PPP2R2B: variants seen among roughly 807,000 people sequenced by gnomAD.
The protein encoded by PPP2R2B is protein phosphatase 2 regulatory subunit Bbeta, also known as serine/threonine-protein phosphatase 2A 55 kDa regulatory subunit B beta isoform.
In PPP2R2B, 5 loss-of-function variants were observed where a neutral mutation model predicts 46.0. The observed-to-expected ratio is 0.11, with a 90% CI of 0.06 to 0.23. The LOEUF (loss-of-function observed/expected upper bound fraction) is 0.23, where lower values mean the gene tolerates loss of function less well. PPP2R2B is among the 10% of genes least tolerant of loss of function. PPP2R2B has a pLI of 1.00. For synonymous variants in PPP2R2B, 215 were observed against 206.7 expected, an observed-to-expected ratio of 1.04 and a Z score of -0.34; for missense variants, 367 against 575.0, an observed-to-expected ratio of 0.64 and a Z score of 3.70.
In PPP2R2B at chr5:146,720,410, T is replaced by C. The variant is rs3844190; in HGVS notation, c.71-19268A>G. 8.9e-3 allele frequency among the ~76,000 whole-genome samples: 1,360 copies of C among 152,194 alleles called. 23 individuals carry two copies. The highest frequency in any genetic ancestry group is 0.031 in the African/African-American group (1,301 of 41,518). On this transcript the variant is annotated intron_variant, in intron 2 of 9. Transcript: ENST00000394411. ...ACCCTGAATCTTCTCCAGTTTCATTTAGACTGAGGGTAGAGGATATGGGAC... is the reference window on the plus strand; with the variant it reads ...ACCCTGAATCTTCTCCAGTTTCATTCAGACTGAGGGTAGAGGATATGGGAC...
In PPP2R2B at chr5:147,014,563, A is replaced by G. The variant is rs1041995791; in HGVS notation, c.79+41102T>C. ...ATGGAATACTATGCAGCCATAAAAAATGATGAGTTCATGTCCTTTGCAGGG... is the reference window on the plus strand; with the variant it reads ...ATGGAATACTATGCAGCCATAAAAAGTGATGAGTTCATGTCCTTTGCAGGG... On this transcript the variant is annotated intron_variant, in intron 1 of 8. Transcript: ENST00000336640. Among the ~76,000 whole-genome samples the G allele has an allele frequency of 2.6e-5, 4 of 152,314 alleles. No homozygotes were observed. In the South Asian group the frequency reaches 8.3e-4, roughly 32 times the overall value.
intron 7 of PPP2R2B, among the ~76,000 whole-genome samples, chr5:146,628,043 C>G (rs905441653): frequency 3.9e-5 from 6 of 151,990 alleles, no homozygotes; most frequent in Non-Finnish European, 8.8e-5. Flanking sequence ...CTCCTGGGCT[C>G]AAGTGATTCT....
intron 1 of PPP2R2B, among the ~76,000 whole-genome samples, chr5:146,979,638 C>A (rs369900869): frequency 4.8e-4 from 73 of 151,700 alleles, no homozygotes; most frequent in African/African-American, 1.6e-3. Flanking sequence ...GTTCCAAGAC[C>A]CCCAGTAAAT....
chr5:146,705,318 A>G (rs956261261), intron 2 of PPP2R2B, among the ~76,000 whole-genome samples: 1 of 152,206 alleles, frequency 6.6e-6, no homozygotes, highest in Non-Finnish European at 1.5e-5. Flanking sequence ...CAGCTAAGAT[A>G]AGAACAGAAA....
At chr5:146,861,711 CTGAGT>C in intron 2 of PPP2R2B, among the ~76,000 whole-genome samples, 1 of 152,184 alleles carries the variant, frequency 6.6e-6, no homozygotes, top group Non-Finnish European at 1.5e-5. Flanking sequence ...TTTCATCAGC[CTGAGT>C]TATCAATATA....
chr5:147,068,184 G>A (rs1331946519), intron 2 of PPP2R2B, among the ~76,000 whole-genome samples: 3 of 151,914 alleles, frequency 2.0e-5, no homozygotes, highest in African/African-American at 7.3e-5. Context: ...CATTTACTTA[G>A]CATTCACTCT....
At chr5:146,628,003 G>A (rs1774175450) in intron 7 of PPP2R2B, among the ~76,000 whole-genome samples, 1 of 151,586 alleles carries the variant, frequency 6.6e-6, no homozygotes, top group Non-Finnish European at 1.5e-5. Flanking sequence ...GGAGTGCAGT[G>A]GCACAATCTC....
chr5:146,659,487 A>G (rs466409), intron 5 of PPP2R2B, among the ~76,000 whole-genome samples: 115,297 of 152,070 alleles, frequency 0.76, 45,111 homozygotes, highest in Non-Finnish European at 0.86. Flanking sequence ...GTCTTTCTTG[A>G]TATCAGTATT....
intron 2 of PPP2R2B, among the ~76,000 whole-genome samples, chr5:146,820,232 G>T (rs1487320598): frequency 6.6e-6 from 1 of 152,272 alleles, no homozygotes; most frequent in East Asian, 1.9e-4. Context: ...AATGATACAT[G>T]TCTGAGGTGA....
chr5:146,759,308 A>G (rs1561884296), intron 2 of PPP2R2B, among the ~76,000 whole-genome samples: 1 of 152,242 alleles, frequency 6.6e-6, no homozygotes, highest in Non-Finnish European at 1.5e-5. Flanking sequence ...AAGCTATGAT[A>G]ATAAGTAATA....
chr5:146,733,735 G>A (rs1581978845), intron 2 of PPP2R2B, among the ~76,000 whole-genome samples: 2 of 141,202 alleles, frequency 1.4e-5, no homozygotes, highest in East Asian at 2.3e-4. Flanking sequence ...ACACACACAC[G>A]TCATTTATAT....
At chr5:146,985,378 C>T (rs1343331114) in intron 1 of PPP2R2B, among the ~76,000 whole-genome samples, 1 of 152,150 alleles carries the variant, frequency 6.6e-6, no homozygotes, top group Non-Finnish European at 1.5e-5. Flanking sequence ...TTAGTTGTTT[C>T]CTTTACTGTG....
intron 2 of PPP2R2B, among the ~76,000 whole-genome samples, chr5:146,848,309 T>A (rs1295579172): frequency 6.6e-6 from 1 of 152,204 alleles, no homozygotes; most frequent in Non-Finnish European, 1.5e-5. Context: ...AATATTGGTA[T>A]GTAATCATTA....
At chr5:146,695,272 T>C (rs1433498526) in intron 4 of PPP2R2B, among the ~76,000 whole-genome samples, 1 of 152,204 alleles carries the variant, frequency 6.6e-6, no homozygotes, top group Non-Finnish European at 1.5e-5. Context: ...ACTTTTATTA[T>C]TTTTGTTTTT....
chr5:146,756,482 A>G (rs574969434), intron 2 of PPP2R2B, among the ~76,000 whole-genome samples: 1 of 152,304 alleles, frequency 6.6e-6, no homozygotes, highest in East Asian at 1.9e-4. Context: ...TGTGTATTCC[A>G]AGTTTCTTTC....
intron 2 of PPP2R2B, among the ~76,000 whole-genome samples, chr5:146,828,853 CA>C (rs1463249763): frequency 6.6e-6 from 1 of 152,084 alleles, no homozygotes; most frequent in Non-Finnish European, 1.5e-5. Context: ...CAAAAACATC[CA>C]GATGAGTTAA....
At chr5:146,691,875 T>C (rs2151154182) in intron 4 of PPP2R2B, among the ~76,000 whole-genome samples, 1 of 152,268 alleles carries the variant, frequency 6.6e-6, no homozygotes, top group East Asian at 1.9e-4. Context: ...TACCCTCTTT[T>C]TCGTATAATT....
intron 2 of PPP2R2B, chr5:146,706,756 CTCA>C: frequency 1.2e-6 from 1 of 805,762 alleles, no homozygotes; most frequent in Non-Finnish European, 2.2e-6. Flanking sequence ...TCTGCAGCTC[CTCA>C]TACTTGATCT....
In PPP2R2B at chr5:146,813,608, A is replaced by G. The variant is rs1757758319; in HGVS notation, c.70+64394T>C. On this transcript the variant is annotated intron_variant, in intron 2 of 9. Coordinates refer to ENST00000394411, the MANE Select transcript of PPP2R2B (RefSeq NM_181675.4). ...GGCAAGATAATTTTTAAAGTTTCTT[A>G]GCATCAATAAAACACCTCCTTTTTA... Among the ~76,000 whole-genome samples, 4 of 152,246 alleles carry G rather than the reference A, an allele frequency of 2.6e-5. No individual in the cohort carries two copies. The South Asian group carries it at 8.3e-4, about 32-fold the overall frequency.
Sources: gnomAD v4.1 joint callset for allele counts (sites outside exome capture counted in the v4.1 genomes callset) on GRCh38, gnomAD v4.1.1 for gene constraint, MANE v1.5 for transcripts, NCBI Gene and HGNC (gene_info 2026-07-23, HGNC 2026-07-21) for gene names.